RBFOX1: variants seen among roughly 807,000 people sequenced by gnomAD.
The protein encoded by RBFOX1 is RNA binding fox-1 homolog 1.
In RBFOX1, 8 loss-of-function variants were observed where a neutral mutation model predicts 57.7. The ratio of observed to expected loss-of-function variants is 0.14; its 90% CI spans 0.08 to 0.25. RBFOX1 has a LOEUF of 0.25. Among genes scored for constraint, RBFOX1 ranks in the 10% least tolerant of loss-of-function variants. The pLI is 1.00. For synonymous variants in RBFOX1, 326 were observed against 222.4 expected (o/e 1.47, Z -4.15); for missense variants, 611 against 548.5 (o/e 1.11, Z -1.14).
At chr16:6,551,783 C>G (rs1043998200) in intron 2 of RBFOX1, among the ~76,000 whole-genome samples, 1 of 152,122 alleles carries the variant, frequency 6.6e-6, no homozygotes, top group Non-Finnish European at 1.5e-5. Flanking sequence ...CTTTTCCAAC[C>G]GGGACGTCAG....
intron 5 of RBFOX1, among the ~76,000 whole-genome samples, chr16:7,547,145 C>A (rs574775303): frequency 3.9e-4 from 59 of 152,320 alleles, no homozygotes; most frequent in Non-Finnish European, 2.9e-5. Flanking sequence ...GGCTAACGCA[C>A]AGCCCTGCAT....
chr16:6,791,516 C>T (rs764877850), intron 3 of RBFOX1, among the ~76,000 whole-genome samples: 36 of 152,168 alleles, frequency 2.4e-4, no homozygotes, highest in Non-Finnish European at 3.1e-4. Context: ...CCCAGCACTT[C>T]GGGAGGCCGA....
intron 1 of RBFOX1, among the ~76,000 whole-genome samples, chr16:6,180,684 G>C (rs2097056043): frequency 6.6e-6 from 1 of 151,878 alleles, no homozygotes; most frequent in Non-Finnish European, 1.5e-5. Flanking sequence ...TCCTGCCTCA[G>C]CCTCCTGAGT....
At chr16:6,096,402 G>T (rs1279596615) in intron 1 of RBFOX1, among the ~76,000 whole-genome samples, 1 of 152,130 alleles carries the variant, frequency 6.6e-6, no homozygotes, top group South Asian at 2.1e-4. Flanking sequence ...CATTTATTTT[G>T]GGGGGTTTTG....
chr16:6,815,180 G>T (rs7204262), intron 3 of RBFOX1, among the ~76,000 whole-genome samples: 69,287 of 151,986 alleles, frequency 0.46, 16,291 homozygotes, highest in Non-Finnish European at 0.51. Context: ...GAGTGCTGTT[G>T]AGCATGCAAG....
At chr16:7,044,756 A>T (rs1050577567) in intron 3 of RBFOX1, among the ~76,000 whole-genome samples, 17 of 152,328 alleles carry the variant, frequency 1.1e-4, no homozygotes, top group Non-Finnish European at 1.9e-4. Flanking sequence ...TAAAGTGTAC[A>T]TTTAAGATAT....
chr16:5,371,929 T>A (rs190822275), intron 1 of RBFOX1, among the ~76,000 whole-genome samples: 1 of 152,322 alleles, frequency 6.6e-6, no homozygotes, highest in Non-Finnish European at 1.5e-5. Context: ...CCTTCCTACC[T>A]TGAACCCAGC....
At chr16:7,245,263 C>T (rs993817439) in intron 4 of RBFOX1, among the ~76,000 whole-genome samples, 1 of 152,076 alleles carries the variant, frequency 6.6e-6, no homozygotes, top group African/African-American at 2.4e-5. Flanking sequence ...GAGTAATTTT[C>T]TTTGAGAGCT....
intron 5 of RBFOX1, among the ~76,000 whole-genome samples, chr16:7,568,489 T>C (rs564685524): frequency 6.6e-6 from 1 of 152,226 alleles, no homozygotes; most frequent in South Asian, 2.1e-4. Flanking sequence ...TTCGTTGCCA[T>C]CTTGGTTTCG....
intron 5 of RBFOX1, among the ~76,000 whole-genome samples, chr16:7,551,322 C>G (rs937842102): frequency 6.6e-6 from 1 of 152,218 alleles, no homozygotes; most frequent in South Asian, 2.1e-4. Flanking sequence ...AGACGTTAGA[C>G]AGCATGAGGC....
chr16:6,565,189 A>T (rs1327004829), intron 2 of RBFOX1, among the ~76,000 whole-genome samples: 1 of 150,802 alleles, frequency 6.6e-6, no homozygotes, highest in Non-Finnish European at 1.5e-5. Context: ...ACAAAATACT[A>T]CTCATTGTAG....
intron 4 of RBFOX1, among the ~76,000 whole-genome samples, chr16:7,179,049 T>C (rs75808226): frequency 0.014 from 2,173 of 152,292 alleles, 59 homozygotes; most frequent in African/African-American, 0.05. Flanking sequence ...TTTATTTTTA[T>C]GGCTATTTCT....
At chr16:7,119,689 A>G (rs766991021) in intron 4 of RBFOX1, among the ~76,000 whole-genome samples, 4 of 152,128 alleles carry the variant, frequency 2.6e-5, no homozygotes, top group Non-Finnish European at 5.9e-5. Flanking sequence ...TTATTTATGC[A>G]CAAACTATGG....
At chr16:6,514,257 G>A (rs761681225) in intron 2 of RBFOX1, among the ~76,000 whole-genome samples, 6 of 152,140 alleles carry the variant, frequency 3.9e-5, no homozygotes, top group Admixed American at 6.6e-5. Flanking sequence ...GCACACACAC[G>A]TACACGGGCA....
rs546040955 is a variant in RBFOX1, at chr16:7,255,238, G to T, written c.27+203140G>T. ...TGATAAACAGCTGGTTAAAGCCTGA[G>T]ACTTAATAGGAACCAAAAATTGCCT... is the stretch of plus-strand genomic sequence containing the variant. On this transcript the variant is annotated intron_variant, in intron 4 of 15. Coordinates refer to ENST00000550418, the MANE Select transcript of RBFOX1 (RefSeq NM_018723.4). Among the ~76,000 whole-genome samples, 3 of 152,282 alleles carry T rather than the reference G, an allele frequency of 2.0e-5. No homozygotes were observed. In the South Asian group the frequency reaches 6.2e-4, roughly 32 times the overall value.
At chr16:6,826,227 A>G (rs981730589) in intron 3 of RBFOX1, among the ~76,000 whole-genome samples, 2 of 152,124 alleles carry the variant, frequency 1.3e-5, no homozygotes, top group African/African-American at 4.8e-5. Flanking sequence ...AGAGCTTAGA[A>G]CAGACTGAGT....
chr16:6,689,495 T>C (rs2059909131), intron 3 of RBFOX1, among the ~76,000 whole-genome samples: 1 of 152,200 alleles, frequency 6.6e-6, no homozygotes, highest in African/African-American at 2.4e-5. Flanking sequence ...AGTAAGTGTA[T>C]TTAATGCACA....
intron 2 of RBFOX1, among the ~76,000 whole-genome samples, chr16:6,438,486 T>C (rs1291022872): frequency 1.3e-5 from 2 of 152,212 alleles, no homozygotes; most frequent in African/African-American, 4.8e-5. Context: ...TGTGCTTTGC[T>C]AGTCAATTTT....
intron 2 of RBFOX1, among the ~76,000 whole-genome samples, chr16:6,345,227 G>T (rs1325148227): frequency 6.6e-6 from 1 of 152,176 alleles, no homozygotes; most frequent in Non-Finnish European, 1.5e-5. Flanking sequence ...ACCCAGAAGA[G>T]AATTCAAGGG....
Sources: gnomAD v4.1 joint callset for allele counts (sites outside exome capture counted in the v4.1 genomes callset) on GRCh38, gnomAD v4.1.1 for gene constraint, MANE v1.5 for transcripts, NCBI Gene and HGNC (gene_info 2026-07-23, HGNC 2026-07-21) for gene names.